Variants in MTUS2 observed in about 807,000 individuals in gnomAD.
MTUS2 encodes microtubule-associated tumor suppressor candidate 2.
MTUS2 carries 40 observed loss-of-function variants against 114.1 expected under a neutral mutation model. The observed-to-expected ratio is 0.35, with a 90% CI of 0.27 to 0.46. The LOEUF (loss-of-function observed/expected upper bound fraction) is 0.46. Ranked by LOEUF, MTUS2 falls within the 20% of genes least tolerant of loss-of-function variation. The probability of loss-of-function intolerance (pLI) is 1.00; values close to 1 mark genes in which losing one functional copy is unlikely to be tolerated. For synonymous variants in MTUS2, 688 were observed against 672.0 expected, an observed-to-expected ratio of 1.02 and a Z score of -0.37; for missense variants, 1,679 against 1,705.4, an observed-to-expected ratio of 0.98 and a Z score of 0.27.
chr13:28,927,858 G>A (rs1881405101), intron 2 of MTUS2, among the ~76,000 whole-genome samples: 8 of 152,054 alleles, frequency 5.3e-5, no homozygotes, highest in Admixed American at 5.2e-4. Context: ...TTACCTGACT[G>A]GAAAATATAC....
intron 4 of MTUS2, among the ~76,000 whole-genome samples, chr13:29,060,565 T>TTC (rs1189026872): frequency 6.8e-6 from 1 of 147,414 alleles, no homozygotes; most frequent in Admixed American, 6.7e-5. Flanking sequence ...TTTTTTTTTT[T>TTC]ACTATTTACT....
chr13:28,972,403 C>T (rs1370907790), intron 2 of MTUS2, among the ~76,000 whole-genome samples: 1 of 152,176 alleles, frequency 6.6e-6, no homozygotes, highest in Non-Finnish European at 1.5e-5. Context: ...GCAGGTGGCC[C>T]TGTGAGGAGT....
In MTUS2 at chr13:29,252,239, T is replaced by G. The variant is rs572938937; in HGVS notation, c.2645-29465T>G. On this transcript the variant is annotated intron_variant, in intron 5 of 15. Transcript: ENST00000612955. ...TATTAAGTAATCCCCTTTCTACAAA[T>G]TAGTGGAGAAGTACTTCCAAGTCAT... Among the ~76,000 whole-genome samples, 333 of 152,288 alleles carry G rather than the reference T, an allele frequency of 2.2e-3. 1 individual carries two copies. The highest frequency in any genetic ancestry group is 0.012 in the South Asian group (57 of 4,822).
At chr13:28,920,148 G>C (rs534539812) in intron 2 of MTUS2, among the ~76,000 whole-genome samples, 1 of 152,306 alleles carries the variant, frequency 6.6e-6, no homozygotes, top group Admixed American at 6.5e-5. Context: ...CAGTAACATT[G>C]ATGAGTTAGG....
chr13:28,857,785 G>A (rs1018437242), intron 2 of MTUS2, among the ~76,000 whole-genome samples: 23 of 152,278 alleles, frequency 1.5e-4, no homozygotes, highest in African/African-American at 5.1e-4. Flanking sequence ...AGTGTTCTGC[G>A]CAGAATCTTA....
intron 2 of MTUS2, among the ~76,000 whole-genome samples, chr13:28,977,234 C>A (rs556629436): frequency 7.9e-5 from 12 of 152,210 alleles, no homozygotes; most frequent in African/African-American, 2.9e-4. Context: ...GAATCGCATC[C>A]TGGTGTCTCT....
chr13:29,103,914 AT>A (rs1488264766), intron 5 of MTUS2, among the ~76,000 whole-genome samples: 3 of 152,226 alleles, frequency 2.0e-5, no homozygotes, highest in African/African-American at 7.2e-5. Context: ...TAAGTGACTC[AT>A]TATGAATTTA....
At chr13:29,399,576 T>C (rs752752340) in intron 8 of MTUS2, among the ~76,000 whole-genome samples, 6 of 152,266 alleles carry the variant, frequency 3.9e-5, no homozygotes, top group East Asian at 3.9e-4. Context: ...AGTTACAGAA[T>C]AGATAATTCA....
chr13:29,342,514 C>T (rs1274026708), intron 7 of MTUS2, among the ~76,000 whole-genome samples: 1 of 151,990 alleles, frequency 6.6e-6, no homozygotes, highest in East Asian at 1.9e-4. Context: ...ATTTTGTATT[C>T]TGAAATATTG....
intron 4 of MTUS2, among the ~76,000 whole-genome samples, chr13:29,083,663 C>G (rs183437573): frequency 5.9e-5 from 9 of 152,194 alleles, no homozygotes; most frequent in Non-Finnish European, 1.2e-4. Flanking sequence ...AATTTAAGAA[C>G]AGGCCAAATT....
intron 15 of MTUS2, among the ~76,000 whole-genome samples, chr13:29,501,468 G>A (rs974478281): frequency 2.0e-5 from 3 of 152,122 alleles, no homozygotes; most frequent in African/African-American, 7.2e-5. Context: ...GTTTATTTTT[G>A]GAAGAGATTA....
At chr13:29,273,782 A>G (rs1292182960) in intron 5 of MTUS2, among the ~76,000 whole-genome samples, 1 of 152,266 alleles carries the variant, frequency 6.6e-6, no homozygotes, top group East Asian at 1.9e-4. Flanking sequence ...TATAAATGTA[A>G]TTATATAATA....
chr13:29,358,956 G>GGAA (rs1555268932), intron 7 of MTUS2, among the ~76,000 whole-genome samples: 1 of 139,594 alleles, frequency 7.2e-6, no homozygotes, highest in East Asian at 2.2e-4. Context: ...TCTCCTTTAA[G>GGAA]AAAAAAAAAA....
intron 5 of MTUS2, among the ~76,000 whole-genome samples, chr13:29,188,846 G>A (rs1418253909): frequency 1.3e-5 from 2 of 152,116 alleles, no homozygotes; most frequent in Admixed American, 1.3e-4. Flanking sequence ...CCCCCTGCAC[G>A]CAAACCTGCC....
At chr13:28,978,449 A>G (rs181958356) in intron 2 of MTUS2, among the ~76,000 whole-genome samples, 9 of 152,348 alleles carry the variant, frequency 5.9e-5, no homozygotes, top group Admixed American at 4.6e-4. Flanking sequence ...ATTTGCAGGA[A>G]GAAGAATGAG....
Position 28,950,318 on chromosome 13 carries a change from G to C in MTUS2, c.-242-74139G>C, listed in dbSNP as rs112146624. ...ATTTGTTTTTGTTTGTTGTTGAGCT[G>C]TGGAAGCTCTGAAGGGCATTCGGGT... On this transcript the variant is annotated intron_variant, in intron 2 of 15. Coordinates refer to ENST00000612955, the MANE Select transcript of MTUS2 (RefSeq NM_001033602.4). Among the ~76,000 whole-genome samples, 1,242 of 152,294 alleles carry C rather than the reference G, an allele frequency of 8.2e-3. 20 individuals carry two copies. Among genetic ancestry groups the C allele is most frequent in the African/African-American group, 0.027 (1,126 of 41,558 alleles).
At chr13:29,060,343 C>T (rs1470840415) in intron 4 of MTUS2, among the ~76,000 whole-genome samples, 1 of 151,954 alleles carries the variant, frequency 6.6e-6, no homozygotes, top group Non-Finnish European at 1.5e-5. Context: ...CCAGTTTTCT[C>T]CAGTTCCTTG....
At chr13:29,190,672 G>A (rs572678078) in intron 5 of MTUS2, among the ~76,000 whole-genome samples, 93 of 74,442 alleles carry the variant, frequency 1.2e-3, no homozygotes, top group African/African-American at 2.8e-3. Context: ...GAGAGAAGAC[G>A]TACTCAGCAT....
At chr13:29,202,450 C>T (rs1894997478) in intron 5 of MTUS2, among the ~76,000 whole-genome samples, 1 of 152,156 alleles carries the variant, frequency 6.6e-6, no homozygotes, top group African/African-American at 2.4e-5. Context: ...TGGATTACAA[C>T]ATGCTTCTTT....
Sources: gnomAD v4.1 joint callset for allele counts (sites outside exome capture counted in the v4.1 genomes callset) on GRCh38, gnomAD v4.1.1 for gene constraint, MANE v1.5 for transcripts, NCBI Gene and HGNC (gene_info 2026-07-23, HGNC 2026-07-21) for gene names.